CAMK1D: variants seen among roughly 807,000 people sequenced by gnomAD.
CAMK1D encodes calcium/calmodulin-dependent protein kinase type 1D.
CAMK1D carries 9 observed loss-of-function variants against 47.7 expected under a neutral mutation model. The ratio of observed to expected loss-of-function variants is 0.19; its 90% CI spans 0.11 to 0.33. CAMK1D has a LOEUF of 0.33. Ranked by LOEUF, CAMK1D falls within the 10% of genes least tolerant of loss-of-function variation. CAMK1D has a pLI of 1.00. For synonymous variants in CAMK1D, 184 were observed against 184.9 expected (o/e 0.99, Z 0.04); for missense variants, 291 against 488.7 (o/e 0.60, Z 3.81).
At chr10:12,753,403 C>T (rs1836078428) in intron 3 of CAMK1D, among the ~76,000 whole-genome samples, 1 of 152,196 alleles carries the variant, frequency 6.6e-6, no homozygotes, top group Admixed American at 6.5e-5. Flanking sequence ...GTGACTGGTT[C>T]ATTAACCTAG....
chr10:12,712,460 G>A (rs1350714848), intron 3 of CAMK1D, among the ~76,000 whole-genome samples: 1 of 151,796 alleles, frequency 6.6e-6, no homozygotes, highest in Admixed American at 6.6e-5. Flanking sequence ...ATGTGGATGT[G>A]TATTTCTCAC....
chr10:12,424,780 GC>G (rs1285145582), intron 1 of CAMK1D, among the ~76,000 whole-genome samples: 1 of 152,094 alleles, frequency 6.6e-6, no homozygotes, highest in Non-Finnish European at 1.5e-5. Context: ...TTGCACTCCA[GC>G]CTGGGCAACA....
At chr10:12,440,378 G>A (rs549672305) in intron 1 of CAMK1D, among the ~76,000 whole-genome samples, 3 of 151,364 alleles carry the variant, frequency 2.0e-5, no homozygotes, top group Admixed American at 1.3e-4. Flanking sequence ...TCCGCCTTCC[G>A]GAGGCAGGAG....
intron 1 of CAMK1D, among the ~76,000 whole-genome samples, chr10:12,545,768 C>G (rs750331292): frequency 1.3e-5 from 2 of 151,874 alleles, no homozygotes; most frequent in African/African-American, 4.8e-5. Flanking sequence ...GCACTGCACT[C>G]CAGCCCGGGT....
intron 1 of CAMK1D, among the ~76,000 whole-genome samples, chr10:12,396,768 G>C (rs1289970614): frequency 6.6e-6 from 1 of 152,154 alleles, no homozygotes; most frequent in Non-Finnish European, 1.5e-5. Flanking sequence ...AGCACTTCCA[G>C]CCACGTAGGC....
intron 2 of CAMK1D, among the ~76,000 whole-genome samples, chr10:12,576,256 T>C (rs1009954181): frequency 1.3e-5 from 2 of 152,172 alleles, no homozygotes; most frequent in Non-Finnish European, 2.9e-5. Flanking sequence ...TGTATCTATT[T>C]TGGGGGTTTT....
chr10:12,531,158 C>G (rs1835793608), intron 1 of CAMK1D, among the ~76,000 whole-genome samples: 1 of 152,060 alleles, frequency 6.6e-6, no homozygotes, highest in African/African-American at 2.4e-5. Flanking sequence ...GAAAATAAAC[C>G]AGGCAGCATA....
chr10:12,618,360 CTCTT>C (rs1274070721), intron 2 of CAMK1D, among the ~76,000 whole-genome samples: 2 of 152,212 alleles, frequency 1.3e-5, no homozygotes, highest in South Asian at 2.1e-4. Flanking sequence ...TCAATGCATG[CTCTT>C]TCTAACATCT....
At chr10:12,611,135 CT>C in intron 2 of CAMK1D, among the ~76,000 whole-genome samples, 1 of 152,244 alleles carries the variant, frequency 6.6e-6, no homozygotes, top group Admixed American at 6.5e-5. Context: ...GAATGTAGGC[CT>C]TTGGGGTTCT....
At position 12,362,623 on chromosome 10, in the gene CAMK1D, G is replaced by A. The variant is rs528941000; in HGVS notation, c.92+12713G>A. Among the ~76,000 whole-genome samples, 6 of 151,678 alleles carry A rather than the reference G, an allele frequency of 4.0e-5. No individual in the cohort carries two copies. The East Asian group carries it at 9.7e-4, about 25-fold the overall frequency. On this transcript the variant is annotated intron_variant, in intron 1 of 10. Coordinates refer to ENST00000619168, the MANE Select transcript of CAMK1D (RefSeq NM_153498.4). ...CGCCATTCTCCTGCCTCAGCCTCCCGAGTAGCTGGGACTACAGGCGCCCGC... is the reference window on the plus strand; with the variant it reads ...CGCCATTCTCCTGCCTCAGCCTCCCAAGTAGCTGGGACTACAGGCGCCCGC...
intron 1 of CAMK1D, among the ~76,000 whole-genome samples, chr10:12,456,114 T>A (rs1045202987): frequency 6.6e-6 from 1 of 152,204 alleles, no homozygotes; most frequent in Non-Finnish European, 1.5e-5. Flanking sequence ...CATTATAGAT[T>A]CTCACTGTGA....
At chr10:12,623,149 CT>C (rs1487916199) in intron 2 of CAMK1D, among the ~76,000 whole-genome samples, 2 of 16,716 alleles carry the variant, frequency 1.2e-4, no homozygotes, top group Non-Finnish European at 1.3e-4. Flanking sequence ...TCCTCCCTTC[CT>C]TCCTCCCTCC....
chr10:12,421,295 G>T (rs1840039586), intron 1 of CAMK1D, among the ~76,000 whole-genome samples: 1 of 152,122 alleles, frequency 6.6e-6, no homozygotes, highest in African/African-American at 2.4e-5. Context: ...AAAGCATCTA[G>T]TTTCTACGGT....
At chr10:12,699,390 C>T (rs980258302) in intron 3 of CAMK1D, among the ~76,000 whole-genome samples, 3 of 152,004 alleles carry the variant, frequency 2.0e-5, no homozygotes, top group Admixed American at 6.6e-5. Flanking sequence ...CTGGGAAAGC[C>T]GTGTTTTGTT....
rs193090890 is a variant in CAMK1D at position 12,393,253 on chromosome 10, G to T, written c.92+43343G>T. ...TCACCATGTTAGTCAGGATGGTCTCGATCTCCTGACCTTGTGATCCGCACG... is the reference window on the plus strand; with the variant it reads ...TCACCATGTTAGTCAGGATGGTCTCTATCTCCTGACCTTGTGATCCGCACG... On this transcript the variant is annotated intron_variant, in intron 1 of 10. Coordinates refer to ENST00000619168, the MANE Select transcript of CAMK1D (RefSeq NM_153498.4). Among the ~76,000 whole-genome samples the T allele has an allele frequency of 7.9e-5, 12 of 152,128 alleles. No individual in the cohort carries two copies. The South Asian group carries it at 2.5e-3, about 32-fold the overall frequency.
intron 5 of CAMK1D, among the ~76,000 whole-genome samples, chr10:12,772,873 T>C (rs908911800): frequency 2.0e-5 from 3 of 151,834 alleles, no homozygotes; most frequent in African/African-American, 7.3e-5. Flanking sequence ...AACTTCAGAG[T>C]AGGGAAGGGG....
At chr10:12,743,585 A>G (rs1032593208) in intron 3 of CAMK1D, among the ~76,000 whole-genome samples, 3 of 152,232 alleles carry the variant, frequency 2.0e-5, no homozygotes, top group Non-Finnish European at 4.4e-5. Context: ...ATATGTTCAC[A>G]GAGTTGGATC....
At chr10:12,520,943 AGGGAGGGGGAGGGGGAGGGGGAGG>A (rs1204273363) in intron 1 of CAMK1D, among the ~76,000 whole-genome samples, 2 of 2,760 alleles carry the variant, frequency 7.2e-4, no homozygotes, top group African/African-American at 1.1e-3. Flanking sequence ...GGAGAGGGAG[AGGGAGGGGGAGGGGGAGGGGGAGG>A]GGGAGAGCTT....
chr10:12,743,231 T>C (rs1390677538), intron 3 of CAMK1D, among the ~76,000 whole-genome samples: 2 of 151,200 alleles, frequency 1.3e-5, no homozygotes, highest in Admixed American at 6.6e-5. Context: ...CCTGTAATCT[T>C]AGCTACTTGG....
Sources: allele counts gnomAD v4.1 joint callset (sites outside exome capture counted in the v4.1 genomes callset), GRCh38; gene constraint gnomAD v4.1.1; transcripts MANE v1.5; gene names NCBI Gene and HGNC (gene_info 2026-07-23, HGNC 2026-07-21).